RIMS3: variants seen among roughly 807,000 people sequenced by gnomAD.
RIMS3 encodes regulating synaptic membrane exocytosis protein 3.
RIMS3 carries 15 observed loss-of-function variants against 29.2 expected under a neutral mutation model. The observed-to-expected ratio is 0.51, with a 90% confidence interval of 0.34 to 0.79. The LOEUF is 0.79. Ranked by LOEUF, RIMS3 falls within the 30% of genes least tolerant of loss-of-function variation. The pLI is 0.01. For synonymous variants in RIMS3, 161 were observed against 170.1 expected, an observed-to-expected ratio of 0.95 and a Z score of 0.41; for missense variants, 342 against 421.4, an observed-to-expected ratio of 0.81 and a Z score of 1.65.
Position 40,641,746 on chromosome 1 carries a change from A to G in RIMS3, c.180T>C (p.Thr60=), listed in dbSNP as rs763880013. ...GCTGGAGTGTGCTCTTGCTCCACTG[A>G]GTCAGGCCCACGATGGCCACCATCT... The part of the protein sequence containing the change: ...GAKMVAIVGL[T]QWSKSTLQLP... The change falls in exon 3 of 8, where the codon ACT becomes ACC. Residue 60 remains threonine (T), a synonymous_variant. Transcript: ENST00000372684. The G allele has an allele frequency of 5.0e-6, 8 of 1,613,954 alleles. No homozygotes were observed. In the South Asian group the frequency reaches 7.7e-5, roughly 16 times the overall value.
chr1:40,637,148 C>G (rs911886897), intron 3 of RIMS3, among the ~76,000 whole-genome samples: 1 of 152,220 alleles, frequency 6.6e-6, no homozygotes, highest in Non-Finnish European at 1.5e-5. Flanking sequence ...GGACAGGCAG[C>G]ACAGCCCCTG....
In RIMS3 at chr1:40,628,837, G is replaced by A. The variant is rs1273232040; in HGVS notation, c.687C>T (p.Asp229=). 3.1e-6 allele frequency: 5 copies of A among 1,614,148 alleles called. No individual in the cohort carries two copies. The highest frequency in any genetic ancestry group is 1.7e-4 in the Middle Eastern group (1 of 6,056). The change falls in exon 7 of 8, where the codon GAC becomes GAT. Residue 229 remains aspartate (D), a synonymous_variant. Coordinates refer to ENST00000372684, the MANE Select transcript of RIMS3 (RefSeq NM_014747.3). ...GCAGCACCTTGCCCTGGGGTCCCTC[G>A]TCAAAGAGCAGAGCCTGCTGGTACA... The part of the protein sequence containing the change: ...DPLYQQALLF[D]EGPQGKVLQV...
chr1:40,685,882 G>A, the RIMS3 span, among the ~76,000 whole-genome samples: 3 of 151,942 alleles, frequency 2.0e-5, no homozygotes, highest in South Asian at 4.2e-4. Context: ...AGTGGCTTAC[G>A]CCTATAATCT....
rs1187045663 is a variant in RIMS3, at chr1:40,626,237, G to A, written c.*280C>T. The A allele has an allele frequency of 2.0e-6, 1 of 498,272 alleles. No individual in the cohort carries two copies. The highest frequency in any genetic ancestry group is 3.7e-5 in the East Asian group (1 of 27,082). 30.9% of individuals were successfully genotyped at this position (498,272 alleles called of 1,614,324 possible). On this transcript the variant is annotated 3_prime_UTR_variant, in exon 8 of 8. Transcript: ENST00000372684. Reference sequence around the variant, plus strand: ...ACTCCTTTGGGTTTCTTTTCAACAAGACACAAAGAGACGTGGAGACATTTC... The same window carrying A: ...ACTCCTTTGGGTTTCTTTTCAACAAAACACAAAGAGACGTGGAGACATTTC...
At chr1:40,653,295 T>C (rs189694046) in intron 1 of RIMS3, among the ~76,000 whole-genome samples, 1 of 151,602 alleles carries the variant, frequency 6.6e-6, no homozygotes, top group Non-Finnish European at 1.5e-5. Context: ...TACCCACAGT[T>C]AGAGGTAGGA....
chr1:40,623,209 T>C lies in RIMS3; in HGVS notation c.*3308A>G, dbSNP rs1646433290. 3 of 391,470 alleles carry C rather than the reference T, an allele frequency of 7.7e-6. No individual in the cohort carries two copies. Among genetic ancestry groups the C allele is most frequent in the Non-Finnish European group, 1.3e-5 (3 of 222,274 alleles). 24.2% of individuals were successfully genotyped at this position (391,470 alleles called of 1,614,324 possible). ...TGCATCCCAAGAGCCTCCTAAGTGC[T>C]CCTTTCCTAGTAGAATTGGGTGGTA... On this transcript the variant is annotated 3_prime_UTR_variant, in exon 8 of 8. Transcript: ENST00000372684.
chr1:40,641,136 T>G (rs549491871), intron 3 of RIMS3, among the ~76,000 whole-genome samples: 1 of 152,206 alleles, frequency 6.6e-6, no homozygotes, highest in African/African-American at 2.4e-5. Context: ...CAGGCGAGAC[T>G]GAATCTTTTT....
chr1:40,626,453 G>A lies in RIMS3; in HGVS notation c.*64C>T. 1 of 1,391,956 alleles carries A rather than the reference G, an allele frequency of 7.2e-7. No individual in the cohort carries two copies. The highest frequency in any genetic ancestry group is 2.0e-5 in the Admixed American group (1 of 50,990). 86.2% of individuals were successfully genotyped at this position (1,391,956 alleles called of 1,614,324 possible). The stretch of plus-strand genomic sequence containing the variant: ...AGAAAGACACGAAGACTATGTACAG[G>A]GGAGGACATGGGGCCAGCAGGCACC... On this transcript the variant is annotated 3_prime_UTR_variant, in exon 8 of 8. Transcript: ENST00000372684.
chr1:40,639,236 G>A (rs1381380251), intron 3 of RIMS3, among the ~76,000 whole-genome samples: 1 of 152,170 alleles, frequency 6.6e-6, no homozygotes, highest in African/African-American at 2.4e-5. Flanking sequence ...TGTCAGGAGT[G>A]GGGGCACCCT....
At chr1:40,687,900 C>T in the RIMS3 span, among the ~76,000 whole-genome samples, 5 of 152,166 alleles carry the variant, frequency 3.3e-5, no homozygotes, top group Non-Finnish European at 7.3e-5. Flanking sequence ...CCCACTATTT[C>T]ATACTAAGTG....
chr1:40,685,050 C>T, the RIMS3 span, among the ~76,000 whole-genome samples: 1 of 151,866 alleles, frequency 6.6e-6, no homozygotes, highest in East Asian at 1.9e-4. Flanking sequence ...GGCTAATTGT[C>T]TGGGAGCCAA....
rs752758130 is a variant in RIMS3 at position 40,641,855 on chromosome 1, C to T, written c.71G>A (p.Ser24Asn). ...SRNVVRSSSI[S>N]GEICGSQQAG... ...TTGCTGGGATCCGCAGATTTCACCGCTAATGCTGGAGCTCCGCACCACATT... is the reference window on the plus strand; with the variant it reads ...TTGCTGGGATCCGCAGATTTCACCGTTAATGCTGGAGCTCCGCACCACATT... Residue 24 changes from serine to asparagine, a missense_variant, in exon 3 of 8, where the codon AGC becomes AAC. Transcript: ENST00000372684. 4 of 1,613,604 alleles carry T rather than the reference C, an allele frequency of 2.5e-6. No individual in the cohort carries two copies. The highest frequency in any genetic ancestry group is 2.5e-6 in the Non-Finnish European group (3 of 1,179,500).
At chr1:40,647,241 C>G (rs570629517) in intron 2 of RIMS3, among the ~76,000 whole-genome samples, 2 of 152,126 alleles carry the variant, frequency 1.3e-5, no homozygotes, top group Non-Finnish European at 2.9e-5. Context: ...AGCCACCCAC[C>G]TTTCCAACAG....
At chr1:40,691,788 G>C in the RIMS3 span, 1 of 452,208 alleles carries the variant, frequency 2.2e-6, no homozygotes, top group Non-Finnish European at 4.4e-6. Flanking sequence ...CCTCCCCTCC[G>C]CCGCGCCTGG....
intron 5 of RIMS3, among the ~76,000 whole-genome samples, chr1:40,630,718 G>A (rs1646484024): frequency 2.0e-5 from 3 of 152,194 alleles, no homozygotes; most frequent in Admixed American, 1.3e-4. Flanking sequence ...TACCACACAC[G>A]AATGGTCCCG....
chr1:40,629,494 C>T (rs996603214), intron 5 of RIMS3, 122 bp from the exon 6 acceptor site: 28 of 842,994 alleles, frequency 3.3e-5, no homozygotes, highest in Admixed American at 3.1e-4. Context: ...AACAAGATGG[C>T]ACCAACCACA....
the RIMS3 span, among the ~76,000 whole-genome samples, chr1:40,672,399 C>T: frequency 1.3e-5 from 2 of 151,746 alleles, no homozygotes; most frequent in Non-Finnish European, 2.9e-5. Context: ...GGGGTTTCAC[C>T]GTGTTAGCCA....
intron 3 of RIMS3, among the ~76,000 whole-genome samples, chr1:40,639,433 G>C (rs1646541963): frequency 6.6e-6 from 1 of 152,248 alleles, no homozygotes; most frequent in South Asian, 2.1e-4. Context: ...GGAAGGAGCA[G>C]AGGTGTGGAG....
intron 4 of RIMS3, among the ~76,000 whole-genome samples, chr1:40,634,394 T>C (rs1348129673): frequency 6.6e-6 from 1 of 152,138 alleles, no homozygotes; most frequent in Non-Finnish European, 1.5e-5. Context: ...ATCACATTCT[T>C]AGGACAATGA....
Sources: allele counts gnomAD v4.1 joint callset (sites outside exome capture counted in the v4.1 genomes callset), GRCh38; gene constraint gnomAD v4.1.1; transcripts MANE v1.5; gene names NCBI Gene and HGNC (gene_info 2026-07-23, HGNC 2026-07-21).